The following STX8 variants were observed in gnomAD, a reference collection of about 807,000 sequenced individuals.
STX8 encodes syntaxin-8.
In STX8, 23 loss-of-function variants were observed where a neutral mutation model predicts 37.5. The ratio of observed to expected loss-of-function variants is 0.61; its 90% CI spans 0.44 to 0.87. The LOEUF (loss-of-function observed/expected upper bound fraction) is 0.87, where lower values mean the gene tolerates loss of function less well. Among genes scored for constraint, STX8 ranks in the 40% least tolerant of loss-of-function variants. STX8 has a pLI of 0.00. For synonymous variants in STX8, 115 were observed against 99.1 expected (o/e 1.16, Z -0.95); for missense variants, 313 against 284.7 (o/e 1.10, Z -0.71).
chr17:9,323,842 A>G (rs1909656993), intron 7 of STX8, among the ~76,000 whole-genome samples: 1 of 152,166 alleles, frequency 6.6e-6, no homozygotes, highest in African/African-American at 2.4e-5. Context: ...AAACGGGACA[A>G]TGAGGACCAG....
chr17:9,409,820 C>T (rs1183019133), intron 6 of STX8, among the ~76,000 whole-genome samples: 1 of 152,178 alleles, frequency 6.6e-6, no homozygotes, highest in Non-Finnish European at 1.5e-5. Context: ...GTGGTTCCTC[C>T]CTTGTGAATG....
At chr17:9,565,886 G>A (rs747187866) in intron 2 of STX8, among the ~76,000 whole-genome samples, 1 of 152,146 alleles carries the variant, frequency 6.6e-6, no homozygotes, top group Non-Finnish European at 1.5e-5. Context: ...TACTATTCTG[G>A]ACATAAGAAC....
chr17:9,252,553 G>A (rs1164890780), intron 7 of STX8, among the ~76,000 whole-genome samples: 2 of 147,838 alleles, frequency 1.4e-5, no homozygotes, highest in African/African-American at 5.1e-5. Context: ...AGGTTGCAGT[G>A]AGCTGAGATC....
intron 6 of STX8, among the ~76,000 whole-genome samples, chr17:9,459,231 G>T (rs552734789): frequency 6.6e-6 from 1 of 152,268 alleles, no homozygotes; most frequent in East Asian, 1.9e-4. Flanking sequence ...GAACTCTAAG[G>T]TATCATGGGA....
chr17:9,375,942 G>C (rs998142944), intron 7 of STX8, among the ~76,000 whole-genome samples: 6 of 152,126 alleles, frequency 3.9e-5, no homozygotes, highest in Non-Finnish European at 8.8e-5. Flanking sequence ...TCACTCTCAT[G>C]ATATCTATGC....
At chr17:9,548,768 GA>G (rs926377713) in intron 3 of STX8, among the ~76,000 whole-genome samples, 7 of 151,930 alleles carry the variant, frequency 4.6e-5, no homozygotes, top group African/African-American at 1.7e-4. Context: ...CAAAGGAGGG[GA>G]AAAAAACAGC....
At chr17:9,481,086 T>C (rs1373891061) in intron 6 of STX8, among the ~76,000 whole-genome samples, 1 of 152,144 alleles carries the variant, frequency 6.6e-6, no homozygotes, top group South Asian at 2.1e-4. Context: ...GGTTTCACCA[T>C]GTAAGCCAGG....
At chr17:9,458,943 C>T (rs1905270465) in intron 6 of STX8, among the ~76,000 whole-genome samples, 1 of 151,642 alleles carries the variant, frequency 6.6e-6, no homozygotes, top group African/African-American at 2.4e-5. Flanking sequence ...CATTCTCCTG[C>T]CTCAACCTCC....
intron 6 of STX8, among the ~76,000 whole-genome samples, chr17:9,408,861 G>A (rs1036142049): frequency 7.9e-5 from 12 of 152,066 alleles, no homozygotes; most frequent in African/African-American, 2.2e-4. Context: ...CTAAGTCTAC[G>A]TGAGGGTCCT....
At chr17:9,366,605 G>T (rs1199943317) in intron 7 of STX8, among the ~76,000 whole-genome samples, 2 of 152,308 alleles carry the variant, frequency 1.3e-5, no homozygotes, top group East Asian at 3.9e-4. Flanking sequence ...ACGTATGTAA[G>T]AAGTCTGCAC....
chr17:9,378,543 A>G lies in STX8; in HGVS notation c.643+9T>C, dbSNP rs529458363. 3 of 1,610,748 alleles carry G rather than the reference A, an allele frequency of 1.9e-6. 1 individual carries two copies. The South Asian group carries it at 3.3e-5, about 18-fold the overall frequency. On this transcript the variant is annotated intron_variant, in intron 7 of 7. Transcript: ENST00000306357. ...ACAGAAACAGAGCCATAACGTAGCT[A>G]TCTCTTACCACAAGAGGCTGACTTT...
chr17:9,430,758 T>C (rs986480583), intron 6 of STX8, among the ~76,000 whole-genome samples: 8 of 151,482 alleles, frequency 5.3e-5, no homozygotes, highest in African/African-American at 1.9e-4. Context: ...CAAGTGATTC[T>C]CCTGCCTCAA....
chr17:9,509,927 G>A (rs953711549), intron 4 of STX8, among the ~76,000 whole-genome samples: 2 of 150,936 alleles, frequency 1.3e-5, no homozygotes, highest in African/African-American at 4.9e-5. Context: ...GAAAGCAAAG[G>A]TATGGAAAAA....
chr17:9,341,057 T>C (rs11654534), intron 7 of STX8, among the ~76,000 whole-genome samples: 63,998 of 149,032 alleles, frequency 0.43, 14,425 homozygotes, highest in African/African-American at 0.57. Context: ...TTTAAAATTG[T>C]AAATTATAAG....
chr17:9,376,217 T>C (rs1911578135), intron 7 of STX8, among the ~76,000 whole-genome samples: 1 of 151,864 alleles, frequency 6.6e-6, no homozygotes, highest in Admixed American at 6.6e-5. Flanking sequence ...TGTGTCTCGC[T>C]AAAGGTTTGA....
chr17:9,313,876 T>C (rs1909282204), intron 7 of STX8, among the ~76,000 whole-genome samples: 1 of 152,184 alleles, frequency 6.6e-6, no homozygotes, highest in African/African-American at 2.4e-5. Flanking sequence ...GTGATCCACC[T>C]GCCTCGGCCT....
At chr17:9,556,772 T>TATATATACATAC (rs1567609015) in intron 3 of STX8, 3 of 82,944 alleles carry the variant, frequency 3.6e-5, no homozygotes, top group African/African-American at 1.5e-4. Flanking sequence ...TATATATATA[T>TATATATACATAC]ATATATATAT....
intron 6 of STX8, among the ~76,000 whole-genome samples, chr17:9,418,842 G>C (rs9899903): frequency 0.078 from 10,905 of 139,578 alleles, 1,801 homozygotes; most frequent in African/African-American, 0.29. Context: ...AAAAAAAAGG[G>C]GGGGGGGAAG....
intron 6 of STX8, among the ~76,000 whole-genome samples, chr17:9,464,150 G>A (rs1422742259): frequency 6.6e-6 from 1 of 152,170 alleles, no homozygotes; most frequent in Non-Finnish European, 1.5e-5. Context: ...TACCATATAT[G>A]CTCCACATCT....
Sources: gnomAD v4.1 joint callset for allele counts (sites outside exome capture counted in the v4.1 genomes callset) on GRCh38, gnomAD v4.1.1 for gene constraint, MANE v1.5 for transcripts, NCBI Gene and HGNC (gene_info 2026-07-23, HGNC 2026-07-21) for gene names.